Variants in ATP8B4 observed in about 807,000 individuals in gnomAD.
ATP8B4 encodes probable phospholipid-transporting ATPase IM.
Under a neutral mutation model 145.6 loss-of-function variants are expected in ATP8B4, and 133 were observed. That is an observed-to-expected ratio of 0.91 (90% confidence interval 0.79 to 1.05). The LOEUF (loss-of-function observed/expected upper bound fraction) is 1.05. Among genes scored for constraint, ATP8B4 ranks in the 50% least tolerant of loss-of-function variants. The probability of loss-of-function intolerance (pLI) is 0.00; values close to 1 mark genes in which losing one functional copy is unlikely to be tolerated. For missense variants in ATP8B4, 1,458 were observed against 1,425.2 expected (o/e 1.02, Z -0.37); for synonymous variants, 507 against 492.9 (o/e 1.03, Z -0.38).
intron 1 of ATP8B4, among the ~76,000 whole-genome samples, chr15:50,109,381 CAA>C (rs1027451923): frequency 1.3e-5 from 2 of 151,992 alleles, no homozygotes; most frequent in African/African-American, 4.8e-5. Flanking sequence ...AAAAAACAAA[CAA>C]AAAACAAAAT....
intron 16 of ATP8B4, 79 bp from the exon 17 acceptor site, chr15:49,923,573 T>C (rs2040452038): frequency 6.0e-6 from 6 of 994,540 alleles, no homozygotes; most frequent in Non-Finnish European, 8.9e-6. Flanking sequence ...AGCTCCAGCC[T>C]GGCAATTTGG....
At chr15:50,022,090 G>A (rs902888353) in intron 6 of ATP8B4, among the ~76,000 whole-genome samples, 2 of 151,814 alleles carry the variant, frequency 1.3e-5, no homozygotes, top group African/African-American at 4.8e-5. Context: ...TTTTTCCAAA[G>A]GAAAAAAGTG....
At chr15:49,990,764 A>G (rs2046984494) in intron 9 of ATP8B4, among the ~76,000 whole-genome samples, 1 of 152,196 alleles carries the variant, frequency 6.6e-6, no homozygotes, top group African/African-American at 2.4e-5. Context: ...CCTATACATT[A>G]TTAATAGAAA....
rs1306978108 is a variant in ATP8B4 at position 50,086,877 on chromosome 15, T to TA, written c.29-12693dup. 2.3e-5 allele frequency among the ~76,000 whole-genome samples: 2 copies of TA among 86,686 alleles called. 1 individual carries two copies. The highest frequency in any genetic ancestry group is 4.1e-5 in the Non-Finnish European group (2 of 48,794). 56.9% of individuals were successfully genotyped at this position (86,686 alleles called of 152,430 possible). Reference sequence around the variant, plus strand: ...ATAAAATAATATAGAGATCTATATTTATTATATATAATAAAATAATAGAGA... The same window carrying TA: ...ATAAAATAATATAGAGATCTATATTTAATTATATATAATAAAATAATAGAGA... On this transcript the variant is annotated intron_variant, in intron 2 of 27. Transcript: ENST00000284509.
At chr15:49,877,369 C>T (rs1349976464) in intron 24 of ATP8B4, among the ~76,000 whole-genome samples, 1 of 152,120 alleles carries the variant, frequency 6.6e-6, no homozygotes, top group Non-Finnish European at 1.5e-5. Flanking sequence ...AAGAATCAAC[C>T]ACAGGGGACA....
chr15:49,971,269 T>C (rs545187086), intron 13 of ATP8B4, among the ~76,000 whole-genome samples: 1 of 152,202 alleles, frequency 6.6e-6, no homozygotes, highest in South Asian at 2.1e-4. Flanking sequence ...AATTGACAAA[T>C]GGGACCTAAT....
chr15:49,991,305 G>A (rs999146860), intron 9 of ATP8B4, among the ~76,000 whole-genome samples: 11 of 152,058 alleles, frequency 7.2e-5, no homozygotes, highest in Middle Eastern at 3.2e-3. Flanking sequence ...ACCTTTCCTC[G>A]GTTCAGAATT....
At chr15:49,907,628 C>T (rs574811433) in intron 20 of ATP8B4, among the ~76,000 whole-genome samples, 11 of 152,338 alleles carry the variant, frequency 7.2e-5, no homozygotes, top group Non-Finnish European at 1.5e-4. Context: ...AAGTTCTTAT[C>T]TAATCCCCCA....
intron 14 of ATP8B4, among the ~76,000 whole-genome samples, chr15:49,959,156 A>T (rs534117552): frequency 6.6e-6 from 1 of 152,156 alleles, no homozygotes; most frequent in Admixed American, 6.5e-5. Context: ...ATATGGATGA[A>T]ATTGAATCTG....
intron 23 of ATP8B4, among the ~76,000 whole-genome samples, chr15:49,889,390 C>T (rs1426757816): frequency 6.6e-6 from 1 of 152,210 alleles, no homozygotes; most frequent in Non-Finnish European, 1.5e-5. Context: ...CTGCTTCTCC[C>T]AGGAAATTCC....
chr15:50,160,327 G>A (rs914252825), intron 1 of ATP8B4, among the ~76,000 whole-genome samples: 4 of 150,618 alleles, frequency 2.7e-5, no homozygotes, highest in Non-Finnish European at 5.9e-5. Flanking sequence ...TTATCTTTTC[G>A]AAAAAATTTC....
chr15:50,163,822 T>G (rs780397573), intron 1 of ATP8B4, among the ~76,000 whole-genome samples: 11 of 152,204 alleles, frequency 7.2e-5, no homozygotes, highest in South Asian at 6.2e-4. Context: ...TCTACCATGG[T>G]TGAGCTGGCA....
At chr15:50,025,764 T>C (rs370104428) in intron 6 of ATP8B4, among the ~76,000 whole-genome samples, 6 of 152,244 alleles carry the variant, frequency 3.9e-5, no homozygotes, top group African/African-American at 1.4e-4. Context: ...AGCTCTGTGA[T>C]TGCAGAGAAC....
At chr15:49,997,429 G>C (rs2047518841) in intron 8 of ATP8B4, among the ~76,000 whole-genome samples, 1 of 152,060 alleles carries the variant, frequency 6.6e-6, no homozygotes, top group Non-Finnish European at 1.5e-5. Flanking sequence ...TGCCATCCCA[G>C]TTTTCTCACT....
chr15:49,943,559 G>C (rs1421802925), intron 14 of ATP8B4, among the ~76,000 whole-genome samples: 2 of 152,040 alleles, frequency 1.3e-5, no homozygotes, highest in Admixed American at 6.5e-5. Flanking sequence ...GGAGGGAGTG[G>C]GACAATATTT....
intron 6 of ATP8B4, 30 bp from the exon 7 acceptor site, chr15:50,010,947 C>G (rs375033875): frequency 7.0e-7 from 1 of 1,421,650 alleles, no homozygotes; most frequent in African/African-American, 1.5e-5. Context: ...TAATTTTCTT[C>G]AAGAATGAAG....
intron 1 of ATP8B4, among the ~76,000 whole-genome samples, chr15:50,179,724 AC>A (rs1397237964): frequency 6.6e-6 from 1 of 152,200 alleles, no homozygotes; most frequent in Non-Finnish European, 1.5e-5. Context: ...CTTCTACCAA[AC>A]AGTACACAGT....
rs2055245719 is a variant in ATP8B4 at position 50,087,264 on chromosome 15, T to TA, written c.29-13080_29-13079insT. Among the ~76,000 whole-genome samples the TA allele has an allele frequency of 4.4e-5, 6 of 135,374 alleles. No individual in the cohort carries two copies. The South Asian group carries it at 1.1e-3, about 25-fold the overall frequency. 88.8% of individuals were successfully genotyped at this position (135,374 alleles called of 152,430 possible). ...TAATAGAATAATATATAGATCTATA[T>TA]GTATTATATATAATAGAATAATATA... is the stretch of plus-strand genomic sequence containing the variant. On this transcript the variant is annotated intron_variant, in intron 2 of 27. Coordinates refer to ENST00000284509, the MANE Select transcript of ATP8B4 (RefSeq NM_024837.4).
In ATP8B4 at chr15:50,025,205, C is replaced by A. The variant is rs528506733; in HGVS notation, c.362+13563G>T. On this transcript the variant is annotated intron_variant, in intron 6 of 27. Transcript: ENST00000284509. ...AAGTATAGCAATAGGCAATTAGCCT[C>A]TCCCCATATCTATCTTGACCCCTCT... Among the ~76,000 whole-genome samples, 15 of 152,350 alleles carry A rather than the reference C, an allele frequency of 9.8e-5. No individual in the cohort carries two copies. In the East Asian group the frequency reaches 2.9e-3, roughly 29 times the overall value.
Sources: allele counts gnomAD v4.1 joint callset (sites outside exome capture counted in the v4.1 genomes callset), GRCh38; gene constraint gnomAD v4.1.1; transcripts MANE v1.5; gene names NCBI Gene and HGNC (gene_info 2026-07-23, HGNC 2026-07-21).